The following AGBL4 variants were observed in gnomAD, a reference collection of about 807,000 sequenced individuals.
The protein encoded by AGBL4 is AGBL carboxypeptidase 4.
AGBL4 carries 58 observed loss-of-function variants against 66.4 expected under a neutral mutation model. The ratio of observed to expected loss-of-function variants is 0.87; its 90% CI spans 0.71 to 1.09. AGBL4 has a LOEUF of 1.09. Among genes scored for constraint, AGBL4 ranks in the 50% least tolerant of loss-of-function variants. The probability of loss-of-function intolerance (pLI) is 0.00; values close to 1 mark genes in which losing one functional copy is unlikely to be tolerated. For synonymous variants in AGBL4, 234 were observed against 222.9 expected (o/e 1.05, Z -0.44); for missense variants, 579 against 631.0 (o/e 0.92, Z 0.88).
chr1:49,859,976 T>A (rs967551554), intron 1 of AGBL4, among the ~76,000 whole-genome samples: 1 of 152,190 alleles, frequency 6.6e-6, no homozygotes, highest in African/African-American at 2.4e-5. Context: ...TTAAAATCAG[T>A]AATATTTGTA....
intron 3 of AGBL4, among the ~76,000 whole-genome samples, chr1:49,604,527 G>C (rs192622169): frequency 3.3e-5 from 5 of 152,100 alleles, no homozygotes; most frequent in Non-Finnish European, 7.4e-5. Context: ...TAGGTCATCT[G>C]TTTACTTTGA....
In AGBL4 at chr1:49,087,357, A is replaced by G. The variant is rs372180422; in HGVS notation, c.378-41557T>C. 3.3e-5 allele frequency among the ~76,000 whole-genome samples: 5 copies of G among 152,344 alleles called. No homozygotes were observed. The East Asian group carries it at 9.6e-4, about 29-fold the overall frequency. On this transcript the variant is annotated intron_variant, in intron 4 of 13. Transcript: ENST00000371839. ...TCTAAGGACTACAATAAAATGACAT[A>G]ATAGATAAAAGATGAAATGGTCATT...
chr1:49,886,274 A>C (rs2148155947), intron 1 of AGBL4, among the ~76,000 whole-genome samples: 1 of 152,308 alleles, frequency 6.6e-6, no homozygotes, highest in East Asian at 1.9e-4. Context: ...TATTCAGAGA[A>C]GCAGCATCTA....
At chr1:49,180,180 GA>G (rs1646906211) in intron 4 of AGBL4, among the ~76,000 whole-genome samples, 1 of 152,236 alleles carries the variant, frequency 6.6e-6, no homozygotes, top group Admixed American at 6.5e-5. Context: ...TTACAGGCGT[GA>G]GCCACTGCGC....
chr1:48,829,880 T>C (rs1427973976), intron 6 of AGBL4, among the ~76,000 whole-genome samples: 2 of 151,806 alleles, frequency 1.3e-5, no homozygotes, highest in Admixed American at 6.6e-5. Flanking sequence ...TCAAAATACA[T>C]TTTTTTTCAT....
At chr1:48,606,161 T>C (rs1304694192) in intron 9 of AGBL4, among the ~76,000 whole-genome samples, 2 of 150,538 alleles carry the variant, frequency 1.3e-5, no homozygotes, top group African/African-American at 2.4e-5. Context: ...GAGAGAAGAA[T>C]ATTATCAGGC....
At chr1:49,451,585 G>A (rs900923626) in intron 3 of AGBL4, among the ~76,000 whole-genome samples, 2 of 151,924 alleles carry the variant, frequency 1.3e-5, no homozygotes, top group African/African-American at 4.8e-5. Context: ...AGGCACATCT[G>A]CCTTTTATGA....
At chr1:49,832,581 CACAATGGTTGA>C (rs1230719563) in intron 2 of AGBL4, among the ~76,000 whole-genome samples, 1 of 151,762 alleles carries the variant, frequency 6.6e-6, no homozygotes, top group African/African-American at 2.4e-5. Context: ...CACCGACTTC[CACAATGGTTGA>C]ACTAGTTTAC....
At chr1:49,492,044 T>A (rs1301485938) in intron 3 of AGBL4, among the ~76,000 whole-genome samples, 1 of 151,940 alleles carries the variant, frequency 6.6e-6, no homozygotes, top group African/African-American at 2.4e-5. Flanking sequence ...TCTCTCTCCC[T>A]CAAAATACTT....
At chr1:48,564,313 T>C (rs192813213) in intron 11 of AGBL4, among the ~76,000 whole-genome samples, 171 of 152,256 alleles carry the variant, frequency 1.1e-3, no homozygotes, top group African/African-American at 3.8e-3. Flanking sequence ...GTACTTTCCC[T>C]GGATCAAGTC....
intron 3 of AGBL4, among the ~76,000 whole-genome samples, chr1:49,400,529 C>A (rs1417887495): frequency 3.9e-5 from 6 of 152,004 alleles, no homozygotes; most frequent in Non-Finnish European, 1.5e-5. Context: ...AATATCTTTC[C>A]ATTTTAGGGG....
chr1:49,433,174 G>A (rs1298501623), intron 3 of AGBL4, among the ~76,000 whole-genome samples: 1 of 152,058 alleles, frequency 6.6e-6, no homozygotes, highest in Admixed American at 6.6e-5. Context: ...ACTGGTAAAG[G>A]AAAGTGTTTT....
rs1326301667 is a variant in AGBL4, at chr1:49,045,666, T to C, written c.512A>G (p.Tyr171Cys). Residue 171 changes from tyrosine (Y) to cysteine (C), a missense_variant, in exon 5 of 14, where the codon TAC (tyrosine) becomes TGC (cysteine). Tyr to Cys is a radical substitution (Grantham distance 194). Transcript: ENST00000371839. ...GTCAAGGTAATGTTGGAAGCGAGTG[T>C]ATGTATATGGGTAGCAGTAAGCAAA... ...YQFAYCYPYT[Y>C]TRFQHYLDSL... is the part of the protein sequence containing the mutation. 1.5e-5 allele frequency: 24 copies of C among 1,585,700 alleles called. No individual in the cohort carries two copies. The highest frequency in any genetic ancestry group is 2.0e-5 in the Non-Finnish European group (23 of 1,164,546).
intron 6 of AGBL4, among the ~76,000 whole-genome samples, chr1:48,860,993 A>G (rs1647415402): frequency 6.6e-6 from 1 of 152,240 alleles, no homozygotes; most frequent in African/African-American, 2.4e-5. Context: ...AGGATGTTCA[A>G]AGAAACAAAT....
At chr1:48,587,236 C>T in intron 10 of AGBL4, 70 bp from the exon 11 acceptor site, 1 of 1,465,394 alleles carries the variant, frequency 6.8e-7, no homozygotes. Flanking sequence ...GCAAATTTTA[C>T]AACACCTCTG....
chr1:48,812,660 CAT>C (rs1646078693), intron 6 of AGBL4, among the ~76,000 whole-genome samples: 1 of 152,154 alleles, frequency 6.6e-6, no homozygotes, highest in African/African-American at 2.4e-5. Context: ...CACATGCACA[CAT>C]ATGTTTATTG....
chr1:49,157,665 C>T (rs570421754), intron 4 of AGBL4, among the ~76,000 whole-genome samples: 26 of 152,162 alleles, frequency 1.7e-4, no homozygotes, highest in Non-Finnish European at 2.8e-4. Context: ...CACTGTCCTC[C>T]ACAATGGTTG....
intron 5 of AGBL4, among the ~76,000 whole-genome samples, chr1:48,910,216 T>C (rs1378602913): frequency 6.6e-6 from 1 of 152,218 alleles, no homozygotes; most frequent in East Asian, 1.9e-4. Context: ...ACCCTGACTA[T>C]ATTAAGCAGG....
At chr1:49,326,469 G>C (rs1446796070) in intron 3 of AGBL4, among the ~76,000 whole-genome samples, 1 of 152,154 alleles carries the variant, frequency 6.6e-6, no homozygotes, top group Non-Finnish European at 1.5e-5. Context: ...ACATTTTGGG[G>C]AATCAGCCAT....
Sources: allele counts gnomAD v4.1 joint callset (sites outside exome capture counted in the v4.1 genomes callset), GRCh38; gene constraint gnomAD v4.1.1; transcripts MANE v1.5; gene names NCBI Gene and HGNC (gene_info 2026-07-23, HGNC 2026-07-21).